VPS13B: variants seen among roughly 807,000 people sequenced by gnomAD.
VPS13B encodes intermembrane lipid transfer protein VPS13B.
VPS13B carries 285 observed loss-of-function variants against 426.4 expected under a neutral mutation model. The observed-to-expected ratio is 0.67, with a 90% confidence interval of 0.61 to 0.74. The LOEUF is 0.74. Ranked by LOEUF, VPS13B falls within the 30% of genes least tolerant of loss-of-function variation. The probability of loss-of-function intolerance (pLI) is 0.00; values close to 1 mark genes in which losing one functional copy is unlikely to be tolerated. For synonymous variants in VPS13B, 1,676 were observed against 1,676.4 expected (o/e 1.00, Z 0.01); for missense variants, 4,537 against 4,782.6 (o/e 0.95, Z 1.51).
intron 19 of VPS13B, among the ~76,000 whole-genome samples, chr8:99,349,350 A>AAAG (rs1811737303): frequency 6.8e-6 from 1 of 147,494 alleles, no homozygotes; most frequent in Admixed American, 6.7e-5. Context: ...AAAAAAAAAA[A>AAAG]AAAAAGAAAA....
chr8:99,575,889 C>T (rs1825751919), intron 32 of VPS13B, 105 bp downstream of exon 32: 2 of 1,118,498 alleles, frequency 1.8e-6, no homozygotes, highest in Non-Finnish European at 1.3e-6. Flanking sequence ...CAAATTAGCT[C>T]ATTAATAATA....
chr8:99,151,621 C>T (rs976122670), intron 14 of VPS13B, among the ~76,000 whole-genome samples: 5 of 151,972 alleles, frequency 3.3e-5, no homozygotes, highest in African/African-American at 1.2e-4. Flanking sequence ...GCAACCTCCA[C>T]CTCCCGGGTT....
At chr8:99,045,777 TC>T in intron 3 of VPS13B, among the ~76,000 whole-genome samples, 1 of 152,180 alleles carries the variant, frequency 6.6e-6, no homozygotes, top group Non-Finnish European at 1.5e-5. Context: ...TTGCCAATTA[TC>T]CCAGCACCAT....
At chr8:99,875,204 C>G in intron 61 of VPS13B, 1 of 673,380 alleles carries the variant, frequency 1.5e-6, no homozygotes, top group Non-Finnish European at 2.6e-6. Flanking sequence ...AGGAGGCTGT[C>G]CTAAGTCTCA....
intron 55 of VPS13B, among the ~76,000 whole-genome samples, chr8:99,849,446 TAAG>T (rs1337245548): frequency 1.3e-5 from 2 of 152,190 alleles, no homozygotes; most frequent in East Asian, 1.9e-4. Flanking sequence ...CAGAAAATTC[TAAG>T]AAGAGGAAAT....
intron 60 of VPS13B, 99 bp downstream of exon 60, chr8:99,870,986 C>A: frequency 8.4e-7 from 1 of 1,194,612 alleles, no homozygotes; most frequent in Non-Finnish European, 1.2e-6. Flanking sequence ...CCAGGGAGCC[C>A]AGGAGTAGCC....
chr8:99,084,306 T>G (rs1036870015), intron 3 of VPS13B, among the ~76,000 whole-genome samples: 1 of 152,226 alleles, frequency 6.6e-6, no homozygotes, highest in African/African-American at 2.4e-5. Context: ...GATATCCCCT[T>G]TATCATATTT....
intron 24 of VPS13B, among the ~76,000 whole-genome samples, chr8:99,472,823 C>G (rs1819484167): frequency 6.6e-6 from 1 of 151,860 alleles, no homozygotes; most frequent in Non-Finnish European, 1.5e-5. Context: ...ATGCAAACTA[C>G]TAATATCATG....
At chr8:99,640,000 A>G (rs201964463) in intron 33 of VPS13B, among the ~76,000 whole-genome samples, 2 of 74,762 alleles carry the variant, frequency 2.7e-5, no homozygotes, top group Non-Finnish European at 4.9e-5. Flanking sequence ...AATAATAATA[A>G]TAATAATAAT....
intron 35 of VPS13B, among the ~76,000 whole-genome samples, chr8:99,693,750 C>A (rs1317760341): frequency 6.9e-6 from 1 of 145,258 alleles, no homozygotes; most frequent in Non-Finnish European, 1.5e-5. Flanking sequence ...AAGAGGAAGT[C>A]AAATTGTCCC....
chr8:99,223,280 A>T (rs1214460876), intron 17 of VPS13B, among the ~76,000 whole-genome samples: 1 of 152,190 alleles, frequency 6.6e-6, no homozygotes, highest in Non-Finnish European at 1.5e-5. Context: ...AAGTTTGCTT[A>T]TAAAATAAAT....
intron 17 of VPS13B, among the ~76,000 whole-genome samples, chr8:99,206,589 T>C (rs186758721): frequency 4.5e-4 from 69 of 152,290 alleles, no homozygotes; most frequent in African/African-American, 1.5e-3. Flanking sequence ...AATAGGTCTC[T>C]TGTGGAGTGA....
chr8:99,468,182 T>C (rs565678112), intron 24 of VPS13B, among the ~76,000 whole-genome samples: 1 of 152,252 alleles, frequency 6.6e-6, no homozygotes, highest in South Asian at 2.1e-4. Flanking sequence ...GTGTGTGATG[T>C]TCCCCACCCT....
In VPS13B at chr8:99,436,819, A is replaced by T. The variant is rs563047355; in HGVS notation, c.3210+5155A>T. On this transcript the variant is annotated intron_variant, in intron 22 of 61. Coordinates refer to ENST00000357162, the MANE Select transcript of VPS13B (RefSeq NM_152564.5). ...AGTGGTGTGATCTCGGCTCACTGCA[A>T]GCTCCGCCTCCCAGGTTTATGCCAT... is the stretch of plus-strand genomic sequence containing the variant. Among the ~76,000 whole-genome samples the T allele has an allele frequency of 3.3e-5, 5 of 150,840 alleles. No homozygotes were observed. The East Asian group carries it at 9.8e-4, about 30-fold the overall frequency.
intron 51 of VPS13B, among the ~76,000 whole-genome samples, chr8:99,828,407 T>TG (rs1563495291): frequency 1.9e-5 from 1 of 52,210 alleles, no homozygotes; most frequent in African/African-American, 7.6e-5. Context: ...TTTTTTTTTT[T>TG]TTTTTTTTTT....
At chr8:99,653,228 T>C (rs1045454287) in intron 34 of VPS13B, among the ~76,000 whole-genome samples, 7 of 152,188 alleles carry the variant, frequency 4.6e-5, no homozygotes, top group African/African-American at 1.7e-4. Flanking sequence ...AAGTTGGGAC[T>C]TCAGTGATTA....
chr8:99,688,927 G>T (rs1190791708), intron 35 of VPS13B, among the ~76,000 whole-genome samples: 3 of 151,976 alleles, frequency 2.0e-5, no homozygotes, highest in Admixed American at 2.0e-4. Flanking sequence ...TTCTATTGAG[G>T]GGCAATAAAT....
At chr8:99,362,139 C>CTTTT (rs71273181) in intron 19 of VPS13B, among the ~76,000 whole-genome samples, 20 of 119,758 alleles carry the variant, frequency 1.7e-4, no homozygotes, top group African/African-American at 3.4e-4. Flanking sequence ...TTTAATTTGT[C>CTTTT]TTTTTTTTTT....
chr8:99,234,743 T>G (rs1354687636), intron 17 of VPS13B, among the ~76,000 whole-genome samples: 1 of 152,260 alleles, frequency 6.6e-6, no homozygotes, highest in Non-Finnish European at 1.5e-5. Flanking sequence ...TTTATAAAAT[T>G]GTTTAATGTA....
Sources: gnomAD v4.1 joint callset for allele counts (sites outside exome capture counted in the v4.1 genomes callset) on GRCh38, gnomAD v4.1.1 for gene constraint, MANE v1.5 for transcripts, NCBI Gene and HGNC (gene_info 2026-07-23, HGNC 2026-07-21) for gene names.